Variants in NUBPL observed in about 807,000 individuals in gnomAD.
NUBPL encodes NUBP iron-sulfur cluster assembly factor, mitochondrial.
NUBPL carries 31 observed loss-of-function variants against 45.7 expected under a neutral mutation model. The observed-to-expected ratio is 0.68, with a 90% CI of 0.51 to 0.92. The LOEUF is 0.92. Among genes scored for constraint, NUBPL ranks in the 40% least tolerant of loss-of-function variants. The probability of loss-of-function intolerance (pLI) is 0.00; values close to 1 mark genes in which losing one functional copy is unlikely to be tolerated. For synonymous variants in NUBPL, 144 were observed against 140.9 expected (o/e 1.02, Z -0.15); for missense variants, 401 against 398.7 (o/e 1.01, Z -0.05).
chr14:31,619,846 G>T (rs999486094), intron 4 of NUBPL, among the ~76,000 whole-genome samples: 4 of 152,008 alleles, frequency 2.6e-5, no homozygotes, highest in Admixed American at 2.0e-4. Flanking sequence ...GCTCGGTTGG[G>T]GGAGTTCTCC....
At chr14:31,718,310 G>T (rs1007736847) in intron 6 of NUBPL, among the ~76,000 whole-genome samples, 2 of 152,102 alleles carry the variant, frequency 1.3e-5, no homozygotes, top group African/African-American at 4.8e-5. Context: ...GGAAAAGACT[G>T]TCTTTCTGCC....
intron 10 of NUBPL, among the ~76,000 whole-genome samples, chr14:31,853,085 T>TTGTTG (rs1355352583): frequency 1.6e-5 from 1 of 62,874 alleles, no homozygotes; most frequent in Non-Finnish European, 3.2e-5. Flanking sequence ...GTGTTGTGTT[T>TTGTTG]TGTTTTGTTT....
chr14:31,704,664 TA>T (rs111698574), intron 6 of NUBPL, among the ~76,000 whole-genome samples: 60 of 145,462 alleles, frequency 4.1e-4, no homozygotes, highest in South Asian at 1.1e-3. Flanking sequence ...AACTCCATCT[TA>T]AAAAAAAAAA....
At chr14:31,811,501 T>C (rs1232907103) in intron 7 of NUBPL, among the ~76,000 whole-genome samples, 2 of 152,214 alleles carry the variant, frequency 1.3e-5, no homozygotes, top group Non-Finnish European at 2.9e-5. Context: ...GCACTGTTTA[T>C]TCAGTTAGCC....
intron 7 of NUBPL, chr14:31,800,982 C>G (rs1187031649): frequency 2.6e-5 from 4 of 152,100 alleles, no homozygotes; most frequent in Admixed American, 6.5e-5. Flanking sequence ...ATTAAGGAAA[C>G]CAACCAGAGA....
intron 8 of NUBPL, among the ~76,000 whole-genome samples, chr14:31,832,909 A>C (rs1486941385): frequency 6.6e-6 from 1 of 152,240 alleles, no homozygotes; most frequent in Non-Finnish European, 1.5e-5. Context: ...TAATGCATAT[A>C]AATGGCTTAA....
Position 31,739,138 on chromosome 14 carries a change from C to T in NUBPL, c.514-48642C>T, listed in dbSNP as rs771219002. On this transcript the variant is annotated intron_variant, in intron 6 of 10. Transcript: ENST00000281081. ...GAGCAATTCTCCTGCCTCAGCCTCCCGAGTAGCTGGGATTACAGATGCCCG... is the reference window on the plus strand; with the variant it reads ...GAGCAATTCTCCTGCCTCAGCCTCCTGAGTAGCTGGGATTACAGATGCCCG... 2.0e-3 allele frequency among the ~76,000 whole-genome samples: 282 copies of T among 144,492 alleles called. 2 individuals are homozygous for T. Among genetic ancestry groups the T allele is most frequent in the Admixed American group, 5.3e-3 (77 of 14,550 alleles). 94.8% of individuals were successfully genotyped at this position (144,492 alleles called of 152,430 possible).
intron 7 of NUBPL, among the ~76,000 whole-genome samples, chr14:31,822,594 T>C (rs756169105): frequency 2.0e-5 from 3 of 152,100 alleles, no homozygotes; most frequent in Non-Finnish European, 4.4e-5. Flanking sequence ...AGAATTTTAT[T>C]TTCAGGGCAA....
In NUBPL at chr14:31,785,851, C is replaced by T. The variant is rs141113559; in HGVS notation, c.514-1929C>T. On this transcript the variant is annotated intron_variant, in intron 6 of 10. Transcript: ENST00000281081. ...TCTGTTTGACCCAATATCATCTACA[C>T]TTTTTATTTTAAAAGTATGATTATA... is the stretch of plus-strand genomic sequence containing the variant. 6.5e-3 allele frequency among the ~76,000 whole-genome samples: 992 copies of T among 152,228 alleles called. 12 individuals carry two copies. Among genetic ancestry groups the T allele is most frequent in the African/African-American group, 0.022 (930 of 41,544 alleles).
chr14:31,824,430 C>T (rs1045734099), intron 7 of NUBPL, among the ~76,000 whole-genome samples: 1 of 152,080 alleles, frequency 6.6e-6, no homozygotes. Context: ...TAGGTGTAAA[C>T]ACAAATTTCT....
chr14:31,853,265 A>C (rs1052261451), intron 10 of NUBPL, among the ~76,000 whole-genome samples: 3 of 152,208 alleles, frequency 2.0e-5, no homozygotes, highest in Non-Finnish European at 4.4e-5. Context: ...CATGTTGCCC[A>C]GGCTGGTGTC....
At chr14:31,574,706 C>T (rs2033677327) in intron 3 of NUBPL, among the ~76,000 whole-genome samples, 1 of 148,594 alleles carries the variant, frequency 6.7e-6, no homozygotes, top group South Asian at 2.1e-4. Context: ...TCTTCTGCCT[C>T]AGCCTTCCGA....
At chr14:31,647,996 A>G (rs1346597913) in intron 4 of NUBPL, among the ~76,000 whole-genome samples, 2 of 152,236 alleles carry the variant, frequency 1.3e-5, no homozygotes, top group African/African-American at 2.4e-5. Context: ...TGGACACAAA[A>G]CAATCTGTTT....
At chr14:31,713,230 T>G (rs1257844223) in intron 6 of NUBPL, among the ~76,000 whole-genome samples, 1 of 152,200 alleles carries the variant, frequency 6.6e-6, no homozygotes, top group African/African-American at 2.4e-5. Context: ...TCAACTTGAG[T>G]GCCCTTGAAC....
chr14:31,613,734 G>C (rs1202790903), intron 4 of NUBPL, among the ~76,000 whole-genome samples: 1 of 152,066 alleles, frequency 6.6e-6, no homozygotes, highest in Non-Finnish European at 1.5e-5. Flanking sequence ...GGGATTACAG[G>C]TGTGAGCCAC....
At chr14:31,783,144 G>A (rs968318663) in intron 6 of NUBPL, among the ~76,000 whole-genome samples, 12 of 152,150 alleles carry the variant, frequency 7.9e-5, no homozygotes, top group African/African-American at 2.9e-4. Flanking sequence ...CCTGAACTGG[G>A]GGCTGGTCAG....
At chr14:31,624,431 G>A (rs1024062146) in intron 4 of NUBPL, among the ~76,000 whole-genome samples, 2 of 152,146 alleles carry the variant, frequency 1.3e-5, no homozygotes, top group African/African-American at 2.4e-5. Flanking sequence ...AGAGGTTTGG[G>A]TTAAAGATAC....
chr14:31,813,790 G>A (rs1464451477), intron 7 of NUBPL, among the ~76,000 whole-genome samples: 1 of 152,080 alleles, frequency 6.6e-6, no homozygotes, highest in East Asian at 1.9e-4. Context: ...GTGGTGTTTG[G>A]TTATCTGTTC....
At chr14:31,710,775 G>C (rs1283284316) in intron 6 of NUBPL, among the ~76,000 whole-genome samples, 4 of 152,300 alleles carry the variant, frequency 2.6e-5, no homozygotes, top group Admixed American at 2.6e-4. Context: ...TACAATTTCT[G>C]AGGCTCCCCA....
Sources: allele counts gnomAD v4.1 joint callset (sites outside exome capture counted in the v4.1 genomes callset), GRCh38; gene constraint gnomAD v4.1.1; transcripts MANE v1.5; gene names NCBI Gene and HGNC (gene_info 2026-07-23, HGNC 2026-07-21).